CNTN5: variants seen among roughly 807,000 people sequenced by gnomAD.
The protein encoded by CNTN5 is contactin 5.
CNTN5 carries 77 observed loss-of-function variants against 129.1 expected under a neutral mutation model. That is an observed-to-expected ratio of 0.60 (90% CI 0.50 to 0.72). The LOEUF (loss-of-function observed/expected upper bound fraction) is 0.72, where lower values mean the gene tolerates loss of function less well. Ranked by LOEUF, CNTN5 falls within the 30% of genes least tolerant of loss-of-function variation. CNTN5 has a pLI of 0.00. For synonymous variants in CNTN5, 509 were observed against 465.6 expected, an observed-to-expected ratio of 1.09 and a Z score of -1.20; for missense variants, 1,478 against 1,328.8, an observed-to-expected ratio of 1.11 and a Z score of -1.75.
chr11:100,079,978 G>T (rs988612352), intron 13 of CNTN5, among the ~76,000 whole-genome samples: 1 of 152,080 alleles, frequency 6.6e-6, no homozygotes, highest in South Asian at 2.1e-4. Flanking sequence ...ATTATTACAT[G>T]TTCAATTTCC....
At chr11:99,585,268 A>G (rs946212016) in intron 3 of CNTN5, among the ~76,000 whole-genome samples, 5 of 152,204 alleles carry the variant, frequency 3.3e-5, no homozygotes, top group African/African-American at 1.2e-4. Flanking sequence ...AATATTCATA[A>G]TTATCTGAAA....
chr11:100,225,005 A>G (rs185984097), intron 16 of CNTN5, 193 bp downstream of exon 16: 2 of 445,202 alleles, frequency 4.5e-6, no homozygotes, highest in Non-Finnish European at 7.9e-6. Flanking sequence ...ACAGATGAAA[A>G]CCACCAAACT....
chr11:100,038,073 T>G (rs1942137193), intron 9 of CNTN5, among the ~76,000 whole-genome samples: 1 of 152,204 alleles, frequency 6.6e-6, no homozygotes, highest in Non-Finnish European at 1.5e-5. Context: ...GTGTCAATTT[T>G]AGATCTTTCC....
In CNTN5 at chr11:99,800,248, T is replaced by C. The variant is rs544840369; in HGVS notation, c.56-19296T>C. ...AAAAGTCATTCAGGAGAAAATTGTC[T>C]AATACTTGGTTTTGAGAGGACTTCT... On this transcript the variant is annotated intron_variant, in intron 3 of 24. Transcript: ENST00000524871. Among the ~76,000 whole-genome samples the C allele has an allele frequency of 2.0e-5, 3 of 152,220 alleles. No homozygotes were observed. The East Asian group carries it at 5.8e-4, about 29-fold the overall frequency.
intron 1 of CNTN5, among the ~76,000 whole-genome samples, chr11:99,230,328 T>C (rs1330892012): frequency 6.6e-6 from 1 of 152,090 alleles, no homozygotes; most frequent in East Asian, 1.9e-4. Context: ...TAGATACAGA[T>C]TTAGATAGCA....
intron 2 of CNTN5, among the ~76,000 whole-genome samples, chr11:99,491,974 A>T (rs1946053360): frequency 6.6e-6 from 1 of 152,166 alleles, no homozygotes; most frequent in Admixed American, 6.6e-5. Flanking sequence ...GAAGTCATAT[A>T]ACCAACTTGA....
At chr11:99,959,824 G>A (rs1349783) in intron 8 of CNTN5, among the ~76,000 whole-genome samples, 122,516 of 152,108 alleles carry the variant, frequency 0.81, 49,461 homozygotes, top group South Asian at 0.87. Flanking sequence ...CTGTTACATC[G>A]TTCAGTAACA....
chr11:99,382,154 C>G (rs546609326), intron 2 of CNTN5, among the ~76,000 whole-genome samples: 1 of 152,212 alleles, frequency 6.6e-6, no homozygotes, highest in African/African-American at 2.4e-5. Context: ...CTATGCTTGA[C>G]CTAATGACCT....
chr11:99,088,290 G>A (rs1260875024), intron 1 of CNTN5, among the ~76,000 whole-genome samples: 1 of 152,056 alleles, frequency 6.6e-6, no homozygotes, highest in African/African-American at 2.4e-5. Context: ...GGGTCTTTTG[G>A]CAAGCAATCA....
At chr11:99,091,820 A>C (rs1040980800) in intron 1 of CNTN5, among the ~76,000 whole-genome samples, 3 of 152,226 alleles carry the variant, frequency 2.0e-5, no homozygotes, top group Non-Finnish European at 4.4e-5. Context: ...CAGAGGAATG[A>C]CAAACAATGG....
intron 2 of CNTN5, among the ~76,000 whole-genome samples, chr11:99,429,481 A>G (rs1383332303): frequency 6.6e-6 from 1 of 152,126 alleles, no homozygotes; most frequent in Non-Finnish European, 1.5e-5. Flanking sequence ...TTAGGTGAAA[A>G]TCAGATAGCA....
At chr11:100,197,236 CTGTT>C (rs1948662341) in intron 15 of CNTN5, among the ~76,000 whole-genome samples, 1 of 151,900 alleles carries the variant, frequency 6.6e-6, no homozygotes, top group Non-Finnish European at 1.5e-5. Flanking sequence ...CAATAAGTCA[CTGTT>C]TGTTGAATAA....
chr11:100,329,928 C>T (rs1472502377), intron 21 of CNTN5, among the ~76,000 whole-genome samples: 1 of 152,132 alleles, frequency 6.6e-6, no homozygotes, highest in East Asian at 1.9e-4. Flanking sequence ...TTCTTTAACA[C>T]CCCCAAAAGA....
chr11:100,089,852 G>T (rs1231067506), intron 13 of CNTN5, among the ~76,000 whole-genome samples: 2 of 152,012 alleles, frequency 1.3e-5, no homozygotes, highest in African/African-American at 4.8e-5. Context: ...CATGAAAACA[G>T]ATGAACACAG....
At chr11:99,102,631 G>A (rs1020249608) in intron 1 of CNTN5, among the ~76,000 whole-genome samples, 1 of 152,098 alleles carries the variant, frequency 6.6e-6, no homozygotes, top group Non-Finnish European at 1.5e-5. Flanking sequence ...CGTTACTCCA[G>A]TTCCCAACAA....
chr11:99,273,818 A>T (rs954838367), intron 1 of CNTN5, among the ~76,000 whole-genome samples: 1 of 151,728 alleles, frequency 6.6e-6, no homozygotes, highest in East Asian at 1.9e-4. Context: ...TGAATAGTCA[A>T]ATCATCTTCA....
chr11:99,606,394 T>C (rs1245315942), intron 3 of CNTN5, among the ~76,000 whole-genome samples: 305 of 137,880 alleles, frequency 2.2e-3, no homozygotes, highest in Non-Finnish European at 3.8e-3. Context: ...TTACAAGGGA[T>C]GTGAAGGACC....
chr11:99,602,590 A>C (rs1020269720), intron 3 of CNTN5, among the ~76,000 whole-genome samples: 8 of 152,192 alleles, frequency 5.3e-5, no homozygotes, highest in African/African-American at 1.9e-4. Flanking sequence ...ATTTAAGGAA[A>C]ACAACACATG....
intron 9 of CNTN5, among the ~76,000 whole-genome samples, chr11:100,019,136 A>G (rs145118738): frequency 1.3e-5 from 2 of 152,040 alleles, no homozygotes; most frequent in East Asian, 3.9e-4. Context: ...AAAAGGTACA[A>G]GTTTTAAATT....
Sources: allele counts gnomAD v4.1 joint callset (sites outside exome capture counted in the v4.1 genomes callset), GRCh38; gene constraint gnomAD v4.1.1; transcripts MANE v1.5; gene names NCBI Gene and HGNC (gene_info 2026-07-23, HGNC 2026-07-21).